RBM45: variants seen among roughly 807,000 people sequenced by gnomAD.
RBM45 encodes RNA binding motif protein 45, also known as RNA-binding protein 45.
RBM45 carries 39 observed loss-of-function variants against 58.5 expected under a neutral mutation model. That is an observed-to-expected ratio of 0.67 (90% CI 0.52 to 0.87). The LOEUF is 0.87. Among genes scored for constraint, RBM45 ranks in the 40% least tolerant of loss-of-function variants. RBM45 has a pLI of 0.00. For missense variants in RBM45, 481 were observed against 581.6 expected (o/e 0.83, Z 1.78); for synonymous variants, 193 against 203.0 (o/e 0.95, Z 0.42).
chr2:178,138,008 A>C (rs2088058766), exon 4 of RBM45: 1 of 152,190 alleles, frequency 6.6e-6, no homozygotes, highest in Admixed American at 6.5e-5. Flanking sequence ...AGGGCAGGAA[A>C]ATAAGAGTGA....
downstream of RBM45, among the ~76,000 whole-genome samples, chr2:178,133,533 A>T (rs1031395466): frequency 2.6e-5 from 4 of 152,214 alleles, no homozygotes; most frequent in African/African-American, 9.7e-5. Context: ...CGTAAGATGA[A>T]TCTTCTTGTA....
At chr2:178,129,828 C>A (rs2087987217), downstream of RBM45, among the ~76,000 whole-genome samples, 1 of 152,126 alleles carries the variant, frequency 6.6e-6, no homozygotes, top group African/African-American at 2.4e-5. Flanking sequence ...AATCGACAAC[C>A]TTATTTTCTT....
chr2:178,125,820 G>T, intron 8 of RBM45, 164 bp from the exon 9 acceptor site: 1 of 714,202 alleles, frequency 1.4e-6, no homozygotes, highest in Non-Finnish European at 2.6e-6. Context: ...AGAGAGATCT[G>T]AATGAGAATG....
Position 178,124,114 on chromosome 2 carries a change from T to C in RBM45, c.1069-13T>C. ...GCATTTTTTTCTTTTTCTTGTTTTCTACCTGTTAACAGCAATTTGGAGGAA... is the reference window on the plus strand; with the variant it reads ...GCATTTTTTTCTTTTTCTTGTTTTCCACCTGTTAACAGCAATTTGGAGGAA... On this transcript the variant is annotated splice_polypyrimidine_tract_variant and intron_variant, in intron 7 of 9. Coordinates refer to ENST00000286070, the MANE Select transcript of RBM45 (RefSeq NM_152945.4). The C allele has an allele frequency of 6.3e-7, 1 of 1,577,726 alleles. No homozygotes were observed. Among genetic ancestry groups the C allele is most frequent in the South Asian group, 1.2e-5 (1 of 84,112 alleles).
At chr2:178,125,363 A>G (rs1381969313) in intron 8 of RBM45, among the ~76,000 whole-genome samples, 1 of 152,206 alleles carries the variant, frequency 6.6e-6, no homozygotes, top group Non-Finnish European at 1.5e-5. Context: ...TGCTGTGATA[A>G]GGAATGTGTA....
chr2:178,127,879 A>C (rs2087953269), intron 9 of RBM45, among the ~76,000 whole-genome samples: 1 of 152,130 alleles, frequency 6.6e-6, no homozygotes, highest in African/African-American at 2.4e-5. Flanking sequence ...AGTATAGAAA[A>C]GTATATAAAT....
intron 7 of RBM45, 27 bp downstream of exon 7, chr2:178,123,939 T>C (rs1391577196): frequency 1.3e-6 from 2 of 1,574,122 alleles, no homozygotes; most frequent in Admixed American, 1.7e-5. Context: ...TTAACCTTTA[T>C]AATATATCAA....
chr2:178,116,669 T>C (rs2087781126), intron 2 of RBM45, among the ~76,000 whole-genome samples: 1 of 152,206 alleles, frequency 6.6e-6, no homozygotes, highest in Non-Finnish European at 1.5e-5. Flanking sequence ...TCAGAAACTT[T>C]TAAGTAAAGT....
chr2:178,138,927 T>A (rs2088066230), exon 4 of RBM45: 1 of 152,014 alleles, frequency 6.6e-6, no homozygotes, highest in Non-Finnish European at 1.5e-5. Flanking sequence ...TAAAATTCAT[T>A]CTTTTTTTAC....
At chr2:178,116,130 T>G in intron 1 of RBM45, 132 bp from the exon 2 acceptor site, 1 of 1,197,384 alleles carries the variant, frequency 8.4e-7, no homozygotes, top group Non-Finnish European at 1.1e-6. Flanking sequence ...GCAGCCTGCT[T>G]TTTTTTTTCT....
exon 4 of RBM45, chr2:178,138,978 G>C (rs1445439279): frequency 6.7e-6 from 1 of 150,114 alleles, no homozygotes; most frequent in Non-Finnish European, 1.5e-5. Context: ...TTTGAAGTCT[G>C]TTAAGGTGCT....
downstream of RBM45, among the ~76,000 whole-genome samples, chr2:178,132,951 G>A (rs2088016288): frequency 6.6e-6 from 1 of 152,154 alleles, no homozygotes; most frequent in Admixed American, 6.5e-5. Flanking sequence ...TTAAAATGTA[G>A]GTATACTGGT....
intron 3 of RBM45, among the ~76,000 whole-genome samples, chr2:178,118,865 T>G (rs1272972983): frequency 1.3e-5 from 2 of 152,218 alleles, no homozygotes; most frequent in African/African-American, 4.8e-5. Context: ...GTAGAATTCT[T>G]AGATACCCCT....
At chr2:178,117,968 G>T in intron 2 of RBM45, 87 bp from the exon 3 acceptor site, 1 of 1,042,754 alleles carries the variant, frequency 9.6e-7, no homozygotes, top group Non-Finnish European at 1.3e-6. Context: ...TGCATGCAAG[G>T]GTCACATATA....
intron 5 of RBM45, among the ~76,000 whole-genome samples, chr2:178,121,895 A>T (rs1242701393): frequency 6.6e-6 from 1 of 152,192 alleles, no homozygotes; most frequent in Admixed American, 6.5e-5. Context: ...GAACTTATTA[A>T]TTAGTTAATT....
intron 3 of RBM45, 57 bp from the exon 4 acceptor site, chr2:178,120,217 CTAGCAATCAAGTA>C (rs1195923712): frequency 1.6e-5 from 25 of 1,589,546 alleles, no homozygotes; most frequent in East Asian, 9.0e-5. Flanking sequence ...GAGTCAGGCA[CTAGCAATCAAGTA>C]TATTTGCAGG....
intron 3 of RBM45, 142 bp from the exon 4 acceptor site, chr2:178,120,145 G>T: frequency 1.0e-6 from 1 of 979,834 alleles, no homozygotes; most frequent in Non-Finnish European, 1.5e-6. Context: ...AAGCAAAGAA[G>T]TAGGTCTGGA....
rs977303046 is a variant in RBM45, at chr2:178,121,377, T to A, written c.853+18T>A. The A allele has an allele frequency of 1.1e-5, 14 of 1,227,442 alleles. No homozygotes were observed. The highest frequency in any genetic ancestry group is 2.0e-4 in the Middle Eastern group (1 of 4,996). 76.0% of individuals were successfully genotyped at this position (1,227,442 alleles called of 1,614,324 possible). ...AAATTATGGTAAAATAATGTTCACA[T>A]TAAAAAATATATATATATGTATATA... On this transcript the variant is annotated intron_variant, in intron 5 of 9. Coordinates refer to ENST00000286070, the MANE Select transcript of RBM45 (RefSeq NM_152945.4).
At chr2:178,115,522 A>G (rs2087759823) in intron 1 of RBM45, among the ~76,000 whole-genome samples, 1 of 152,194 alleles carries the variant, frequency 6.6e-6, no homozygotes, top group Non-Finnish European at 1.5e-5. Context: ...GACATATAGT[A>G]TAGATTTATT....
Sources: gnomAD v4.1 joint callset for allele counts (sites outside exome capture counted in the v4.1 genomes callset) on GRCh38, gnomAD v4.1.1 for gene constraint, MANE v1.5 for transcripts, NCBI Gene and HGNC (gene_info 2026-07-23, HGNC 2026-07-21) for gene names.